Variants in DRC3 observed in about 807,000 individuals in gnomAD.
The protein encoded by DRC3 is leucine rich repeat containing 48.
A neutral mutation model predicts 57.6 loss-of-function variants in DRC3; 45 were observed. The ratio of observed to expected loss-of-function variants is 0.78; its 90% CI spans 0.62 to 1.00. DRC3 has a LOEUF of 1.00. Ranked by LOEUF, DRC3 falls within the 50% of genes least tolerant of loss-of-function variation. DRC3 has a pLI of 0.00. For missense variants in DRC3, 655 were observed against 675.2 expected (o/e 0.97, Z 0.33); for synonymous variants, 257 against 272.3 (o/e 0.94, Z 0.55).
rs367815809 is a variant in DRC3 at position 17,992,923 on chromosome 17, C to T, written c.591+12C>T. On this transcript the variant is annotated intron_variant, in intron 6 of 13. Coordinates refer to ENST00000399187, the MANE Select transcript of DRC3 (RefSeq NM_031294.4). Reference sequence around the variant, plus strand: ...TTGATGACCACACAGCAAGTGTCTCCCTCTCAGTCTCCCAGCCCTGTGAGA... The same window carrying T: ...TTGATGACCACACAGCAAGTGTCTCTCTCTCAGTCTCCCAGCCCTGTGAGA... The T allele has an allele frequency of 1.5e-5, 24 of 1,613,782 alleles. No individual in the cohort carries two copies. In the East Asian group the frequency reaches 2.5e-4, roughly 16 times the overall value.
chr17:17,983,687 C>A lies in DRC3; in HGVS notation c.161-141C>A, dbSNP rs1299603613. On this transcript the variant is annotated intron_variant, in intron 3 of 13. Transcript: ENST00000399187. ...ACAATGTTCCTCGATGCTCAGCCGA[C>A]ATCTCCAGGGTGCCTGCGTACTCCA... 5.1e-6 allele frequency: 3 copies of A among 590,676 alleles called. No individual in the cohort carries two copies. In the African/African-American group the frequency reaches 5.6e-5, roughly 11 times the overall value. The allele number at this position is 590,676 out of a possible 1,614,324, so 36.6% of individuals were successfully genotyped here.
chr17:18,007,932 G>A (rs146593025), intron 12 of DRC3: 343 of 857,234 alleles, frequency 4.0e-4, no homozygotes, highest in African/African-American at 6.6e-4. Flanking sequence ...CTTACAGTCC[G>A]TCCTCCATGT....
At chr17:18,001,916 C>T (rs1411204588) in intron 9 of DRC3, among the ~76,000 whole-genome samples, 1 of 152,176 alleles carries the variant, frequency 6.6e-6, no homozygotes, top group African/African-American at 2.4e-5. Flanking sequence ...CATGTAATCC[C>T]AGCACTTTGG....
chr17:17,994,012 T>C, intron 6 of DRC3: 1 of 372,352 alleles, frequency 2.7e-6, no homozygotes, highest in Non-Finnish European at 5.1e-6. Flanking sequence ...TCCATTGCTG[T>C]GGCTCCTGCC....
At chr17:18,004,074 G>C (rs960229332) in intron 9 of DRC3, among the ~76,000 whole-genome samples, 1 of 152,092 alleles carries the variant, frequency 6.6e-6, no homozygotes, top group African/African-American at 2.4e-5. Context: ...ATAAAAACCT[G>C]AGCTTACAGG....
chr17:18,013,673 TAAAG>T (rs2044249189), intron 12 of DRC3, among the ~76,000 whole-genome samples: 1 of 152,182 alleles, frequency 6.6e-6, no homozygotes. Context: ...AGAGATTTGT[TAAAG>T]GATATACCAA....
At chr17:18,011,201 C>T (rs924671404) in intron 12 of DRC3, 4 of 223,834 alleles carry the variant, frequency 1.8e-5, no homozygotes, top group Non-Finnish European at 2.7e-5. Flanking sequence ...AGGTAATCTG[C>T]CCGCCTCAGC....
intron 12 of DRC3, chr17:18,015,481 G>GCCTGCACTCCAGCC (rs2044325277): frequency 6.5e-6 from 1 of 152,846 alleles, no homozygotes; most frequent in Admixed American, 6.5e-5. Flanking sequence ...CTATTAGAAG[G>GCCTGCACTCCAGCC]TGGTTGTTTC....
At chr17:17,994,804 C>T (rs954629114) in intron 7 of DRC3, among the ~76,000 whole-genome samples, 195 bp from the exon 8 acceptor site, 1 of 152,198 alleles carries the variant, frequency 6.6e-6, no homozygotes, top group East Asian at 1.9e-4. Flanking sequence ...CAGTCTCCAC[C>T]CCTCCTTGCA....
chr17:17,992,229 C>T (rs1352399474), intron 5 of DRC3, among the ~76,000 whole-genome samples: 1 of 152,108 alleles, frequency 6.6e-6, no homozygotes, highest in Non-Finnish European at 1.5e-5. Context: ...GAGCCAAGAT[C>T]GCACCTCTGC....
chr17:17,987,501 T>C (rs1157990117), intron 4 of DRC3, among the ~76,000 whole-genome samples: 1 of 152,152 alleles, frequency 6.6e-6, no homozygotes, highest in African/African-American at 2.4e-5. Context: ...TCAGAGGATA[T>C]ACACGAGTGC....
At chr17:17,982,580 CTTTT>C (rs200264642) in intron 3 of DRC3, among the ~76,000 whole-genome samples, 3 of 133,658 alleles carry the variant, frequency 2.2e-5, no homozygotes, top group Non-Finnish European at 3.2e-5. Flanking sequence ...TGAGCATATT[CTTTT>C]TTTTTTTTTT....
At chr17:17,984,991 A>G (rs1209037762) in intron 4 of DRC3, among the ~76,000 whole-genome samples, 2 of 152,150 alleles carry the variant, frequency 1.3e-5, no homozygotes, top group Non-Finnish European at 2.9e-5. Context: ...GGAGCAAACC[A>G]CAGCCAGGTC....
At chr17:18,000,318 G>A (rs369005355) in intron 9 of DRC3, among the ~76,000 whole-genome samples, 2,740 of 123,482 alleles carry the variant, frequency 0.022, 85 homozygotes, top group African/African-American at 0.071. Flanking sequence ...GTGTGTGTGC[G>A]CGCATAGCAT....
At chr17:18,004,222 GC>G (rs2043861244) in intron 9 of DRC3, 140 bp from the exon 10 acceptor site, 1 of 881,994 alleles carries the variant, frequency 1.1e-6, no homozygotes, top group Non-Finnish European at 1.8e-6. Flanking sequence ...CGCTTTCAGA[GC>G]CAGCAAATGG....
At position 17,997,488 on chromosome 17, in the gene DRC3, G is replaced by A. The variant is rs756511523; in HGVS notation, c.853G>A (p.Val285Met). Residue 285 changes from valine to methionine, a missense_variant, in exon 9 of 14, where the codon GTG (valine) becomes ATG (methionine). Transcript: ENST00000399187. ...CAAGGACAAGTTTGTCATCATCTGCGTGAATATTTTTGAGTATGGCCTGAA... is the reference window on the plus strand; with the variant it reads ...CAAGGACAAGTTTGTCATCATCTGCATGAATATTTTTGAGTATGGCCTGAA... ...TYKDKFVIICVNIFEYGLKQQ... is the reference protein window; with the variant it reads ...TYKDKFVIICMNIFEYGLKQQ... The A allele has an allele frequency of 1.7e-5, 28 of 1,613,180 alleles. No individual in the cohort carries two copies. Among genetic ancestry groups the A allele is most frequent in the East Asian group, 4.5e-5 (2 of 44,882 alleles).
At chr17:18,003,233 T>A (rs1485511969) in intron 9 of DRC3, among the ~76,000 whole-genome samples, 2 of 151,798 alleles carry the variant, frequency 1.3e-5, no homozygotes, top group African/African-American at 4.8e-5. Flanking sequence ...ACCTGTAATC[T>A]CAGCACTCTG....
At chr17:17,986,873 T>C (rs2042985433) in intron 4 of DRC3, among the ~76,000 whole-genome samples, 1 of 152,140 alleles carries the variant, frequency 6.6e-6, no homozygotes, top group Non-Finnish European at 1.5e-5. Context: ...CAGGACAAGA[T>C]AACAGCCCCA....
intron 12 of DRC3, chr17:18,011,891 T>G (rs572515794): frequency 6.5e-6 from 1 of 153,444 alleles, no homozygotes; most frequent in South Asian, 2.0e-4. Flanking sequence ...GGTGCAGTCC[T>G]GGCTCACTGC....
Sources: gnomAD v4.1 joint callset for allele counts (sites outside exome capture counted in the v4.1 genomes callset) on GRCh38, gnomAD v4.1.1 for gene constraint, MANE v1.5 for transcripts, NCBI Gene and HGNC (gene_info 2026-07-23, HGNC 2026-07-21) for gene names.